The following ADARB2 variants were observed in gnomAD, a reference collection of about 807,000 sequenced individuals.
ADARB2 encodes adenosine deaminase RNA specific B2 (inactive).
ADARB2 carries 25 observed loss-of-function variants against 62.2 expected under a neutral mutation model. That is an observed-to-expected ratio of 0.40 (90% CI 0.29 to 0.56). The LOEUF is 0.56. Ranked by LOEUF, ADARB2 falls within the 20% of genes least tolerant of loss-of-function variation. The probability of loss-of-function intolerance (pLI) is 0.43; values close to 1 mark genes in which losing one functional copy is unlikely to be tolerated. For missense variants in ADARB2, 1,071 were observed against 1,077.4 expected (o/e 0.99, Z 0.08); for synonymous variants, 572 against 500.8 (o/e 1.14, Z -1.90).
chr10:1,622,135 T>A (rs868763134), intron 1 of ADARB2, among the ~76,000 whole-genome samples: 1 of 152,210 alleles, frequency 6.6e-6, no homozygotes, highest in Non-Finnish European at 1.5e-5. Flanking sequence ...CTGGTTCTAC[T>A]GTATACTCAC....
chr10:1,691,796 G>C (rs941140368), intron 1 of ADARB2, among the ~76,000 whole-genome samples: 3 of 152,234 alleles, frequency 2.0e-5, no homozygotes, highest in African/African-American at 4.8e-5. Context: ...GTCTTGCTCA[G>C]ATATTAGCCC....
At chr10:1,605,531 C>T (rs1833484446) in intron 1 of ADARB2, among the ~76,000 whole-genome samples, 1 of 152,230 alleles carries the variant, frequency 6.6e-6, no homozygotes, top group Non-Finnish European at 1.5e-5. Flanking sequence ...TGCACTTGCA[C>T]TTATAATTCT....
At position 1,494,136 on chromosome 10, in the gene ADARB2, C is replaced by T. The variant is rs569653272; in HGVS notation, c.101-114976G>A. 4.0e-4 allele frequency among the ~76,000 whole-genome samples: 61 copies of T among 152,150 alleles called. No individual in the cohort carries two copies. The South Asian group carries it at 9.3e-3, about 23-fold the overall frequency. On this transcript the variant is annotated intron_variant, in intron 1 of 9. Coordinates refer to ENST00000381312, the MANE Select transcript of ADARB2 (RefSeq NM_018702.4). ...CATTTGCATGGTTTCTTACTCAGGACGCTAATTTTAGGTATTCAATAGAAA... is the reference window on the plus strand; with the variant it reads ...CATTTGCATGGTTTCTTACTCAGGATGCTAATTTTAGGTATTCAATAGAAA...
intron 3 of ADARB2, among the ~76,000 whole-genome samples, chr10:1,320,972 T>C (rs1831789606): frequency 2.0e-5 from 3 of 152,220 alleles, no homozygotes; most frequent in Admixed American, 2.0e-4. Flanking sequence ...TGGGATTCAT[T>C]GTTCAGTGGG....
Position 1,216,972 on chromosome 10 carries a change from G to A in ADARB2, c.1661C>T (p.Ser554Phe). 1 of 1,608,282 alleles carries A rather than the reference G, an allele frequency of 6.2e-7. No individual in the cohort carries two copies. Among genetic ancestry groups the A allele is most frequent in the East Asian group, 2.2e-5 (1 of 44,878 alleles). ...VLLGEQLITM[S>F]CTDKIARWNV... ...TCACCTGGCGATCTTGTCCGTGCAGGACATGGTGATCAGCTGCTCCCCCAG... is the reference window on the plus strand; with the variant it reads ...TCACCTGGCGATCTTGTCCGTGCAGAACATGGTGATCAGCTGCTCCCCCAG... The change falls in exon 7 of 10, where the codon TCC (serine) becomes TTC (phenylalanine). Residue 554 changes from serine to phenylalanine, a missense_variant. Ser to Phe is a radical substitution (Grantham distance 155). Transcript: ENST00000381312.
chr10:1,388,283 T>C (rs1325139619), intron 1 of ADARB2, among the ~76,000 whole-genome samples: 1 of 152,132 alleles, frequency 6.6e-6, no homozygotes, highest in Non-Finnish European at 1.5e-5. Flanking sequence ...TTATATTTAA[T>C]GACGAAAGAG....
At chr10:1,507,352 G>T (rs1564311548) in intron 1 of ADARB2, among the ~76,000 whole-genome samples, 1 of 152,172 alleles carries the variant, frequency 6.6e-6, no homozygotes, top group Non-Finnish European at 1.5e-5. Context: ...CACTGGAGAG[G>T]CTGGCATGAG....
intron 1 of ADARB2, among the ~76,000 whole-genome samples, chr10:1,414,621 C>T (rs537138467): frequency 1.3e-5 from 2 of 152,400 alleles, no homozygotes; most frequent in Admixed American, 6.5e-5. Flanking sequence ...TCCACATTCT[C>T]ATCACCTGTT....
chr10:1,356,400 C>T (rs1832195729), intron 3 of ADARB2, among the ~76,000 whole-genome samples: 1 of 152,198 alleles, frequency 6.6e-6, no homozygotes, highest in Non-Finnish European at 1.5e-5. Context: ...TGGGGACCCA[C>T]CCCCTGGAGG....
chr10:1,212,616 C>A lies in ADARB2; in HGVS notation c.1682+4335G>T, dbSNP rs1227392479. Among the ~76,000 whole-genome samples the A allele has an allele frequency of 3.9e-5, 6 of 152,344 alleles. No individual in the cohort carries two copies. In the East Asian group the frequency reaches 1.2e-3, roughly 29 times the overall value. The stretch of plus-strand genomic sequence containing the variant: ...GGCCACTGAGTGCACCCCACAGTGG[C>A]AGGCACCCTGCAACCAAGTGTCCCT... On this transcript the variant is annotated intron_variant, in intron 7 of 9. Coordinates refer to ENST00000381312, the MANE Select transcript of ADARB2 (RefSeq NM_018702.4).
chr10:1,671,190 C>T (rs932143260), intron 1 of ADARB2, among the ~76,000 whole-genome samples: 11 of 152,174 alleles, frequency 7.2e-5, no homozygotes, highest in African/African-American at 2.4e-4. Context: ...GGGTGCTGGG[C>T]GCCGGCAAGC....
intron 1 of ADARB2, among the ~76,000 whole-genome samples, chr10:1,474,837 C>T (rs1831378098): frequency 6.6e-6 from 1 of 152,112 alleles, no homozygotes; most frequent in Non-Finnish European, 1.5e-5. Context: ...AGCAGGACTC[C>T]GGGAGGAGGC....
In ADARB2 at chr10:1,647,320, AGT is replaced by A. The variant is rs201660297; in HGVS notation, c.100+89729_100+89730del. Among the ~76,000 whole-genome samples the A allele has an allele frequency of 6.9e-3, 1,051 of 152,272 alleles. 5 individuals are homozygous for A. The highest frequency in any genetic ancestry group is 9.4e-3 in the Non-Finnish European group (638 of 68,014). Reference sequence around the variant, plus strand: ...TACCATTGGCTCCTTATGAAAAAAAAGTGTGTGTGCATATATGTGTGCATGTA... The same window carrying A: ...TACCATTGGCTCCTTATGAAAAAAAAGTGTGTGCATATATGTGTGCATGTA... On this transcript the variant is annotated intron_variant, in intron 1 of 9. Coordinates refer to ENST00000381312, the MANE Select transcript of ADARB2 (RefSeq NM_018702.4).
At chr10:1,651,764 G>A (rs1187790621) in intron 1 of ADARB2, among the ~76,000 whole-genome samples, 2 of 146,246 alleles carry the variant, frequency 1.4e-5, no homozygotes, top group Non-Finnish European at 3.0e-5. Context: ...AGCGGGGGCT[G>A]CCTGCTTATG....
At chr10:1,325,214 G>A (rs945611942) in intron 3 of ADARB2, among the ~76,000 whole-genome samples, 6 of 152,196 alleles carry the variant, frequency 3.9e-5, no homozygotes, top group Admixed American at 3.3e-4. Flanking sequence ...CGTGGACACA[G>A]AGTCCTCTAC....
intron 6 of ADARB2, among the ~76,000 whole-genome samples, chr10:1,221,146 G>T (rs1223638401): frequency 6.6e-6 from 1 of 152,212 alleles, no homozygotes; most frequent in African/African-American, 2.4e-5. Flanking sequence ...AGCAATTGCA[G>T]TGAGCTGGCC....
intron 1 of ADARB2, among the ~76,000 whole-genome samples, chr10:1,602,872 T>C (rs1265698321): frequency 2.6e-5 from 4 of 150,964 alleles, no homozygotes; most frequent in Non-Finnish European, 3.0e-5. Context: ...CATACACATA[T>C]CAACACACAC....
chr10:1,250,738 AAGAT>A (rs1589165547), intron 4 of ADARB2, among the ~76,000 whole-genome samples: 1 of 152,196 alleles, frequency 6.6e-6, no homozygotes, highest in African/African-American at 2.4e-5. Context: ...AAAATGAACT[AAGAT>A]AGTTATTTGT....
At chr10:1,223,526 T>A (rs1830715442) in intron 6 of ADARB2, among the ~76,000 whole-genome samples, 1 of 152,188 alleles carries the variant, frequency 6.6e-6, no homozygotes, top group Non-Finnish European at 1.5e-5. Flanking sequence ...TGCTTCCAGT[T>A]TTTGCCCATT....
Sources: gnomAD v4.1 joint callset for allele counts (sites outside exome capture counted in the v4.1 genomes callset) on GRCh38, gnomAD v4.1.1 for gene constraint, MANE v1.5 for transcripts, NCBI Gene and HGNC (gene_info 2026-07-23, HGNC 2026-07-21) for gene names.